Variants in ZNF345 observed in about 807,000 individuals in gnomAD.
The protein encoded by ZNF345 is zinc finger protein HZF10.
For missense variants in ZNF345, 527 were observed against 589.9 expected, an observed-to-expected ratio of 0.89 and a Z score of 1.10; for synonymous variants, 166 against 187.9, an observed-to-expected ratio of 0.88 and a Z score of 0.95.
At chr19:36,869,834 T>C (rs1033229436) in intron 2 of ZNF345, among the ~76,000 whole-genome samples, 3 of 151,206 alleles carry the variant, frequency 2.0e-5, no homozygotes, top group Non-Finnish European at 4.4e-5. Flanking sequence ...TGATCTCGGC[T>C]CACTGCAAGC....
chr19:36,856,467 G>T (rs116608998), intron 2 of ZNF345, among the ~76,000 whole-genome samples: 2,016 of 151,600 alleles, frequency 0.013, 52 homozygotes, highest in African/African-American at 0.046. Flanking sequence ...TTTTTTTTCA[G>T]TTCTTTGATT....
intron 2 of ZNF345, among the ~76,000 whole-genome samples, chr19:36,864,678 C>G (rs2072622261): frequency 6.6e-6 from 1 of 152,040 alleles, no homozygotes; most frequent in African/African-American, 2.4e-5. Context: ...AGGGCTGGGA[C>G]TAAGATGAGG....
At chr19:36,892,424 G>A (rs1354336301) in intron 3 of ZNF345, 1 of 1,608,442 alleles carries the variant, frequency 6.2e-7, no homozygotes. Flanking sequence ...TGACTGAAAT[G>A]TCTCTTCTTT....
chr19:36,864,095 G>A (rs2072610967), intron 2 of ZNF345, among the ~76,000 whole-genome samples: 3 of 151,950 alleles, frequency 2.0e-5, no homozygotes, highest in Admixed American at 6.6e-5. Context: ...ATCTAATCAA[G>A]GAACAGAAAA....
chr19:36,876,451 G>A (rs975491418), intron 2 of ZNF345, among the ~76,000 whole-genome samples: 3 of 152,060 alleles, frequency 2.0e-5, no homozygotes, highest in African/African-American at 7.2e-5. Flanking sequence ...ACAGGGCCAG[G>A]ACATCTGTAT....
At chr19:36,876,707 T>A (rs2072887467) in intron 2 of ZNF345, 78 bp from the exon 3 acceptor site, 2 of 936,148 alleles carry the variant, frequency 2.1e-6, no homozygotes, top group African/African-American at 1.7e-5. Context: ...TGTAGTTAAG[T>A]CTTTCGTATC....
chr19:36,868,316 T>G (rs889295981), intron 2 of ZNF345, among the ~76,000 whole-genome samples: 1 of 152,134 alleles, frequency 6.6e-6, no homozygotes, highest in Admixed American at 6.5e-5. Flanking sequence ...GTTCACATTT[T>G]ATATTTGCAT....
At chr19:36,887,055 C>G (rs1171148281) in intron 3 of ZNF345, among the ~76,000 whole-genome samples, 1 of 151,246 alleles carries the variant, frequency 6.6e-6, no homozygotes, top group Non-Finnish European at 1.5e-5. Flanking sequence ...CCCAGCTACT[C>G]GGGAGGCTGA....
Position 36,876,809 on chromosome 19 carries a change from G to T in ZNF345, c.-22G>T, listed in dbSNP as rs765734671. On this transcript the variant is annotated 5_prime_UTR_variant, in exon 3 of 3. Coordinates refer to ENST00000420450, the MANE Select transcript of ZNF345 (RefSeq NM_001242472.2). Reference sequence around the variant, plus strand: ...GACTATGAATCAAAGTTGAGACCAAGAAATTATTTCTGAAAAAGGATATGG... The same window carrying T: ...GACTATGAATCAAAGTTGAGACCAATAAATTATTTCTGAAAAAGGATATGG... 1 of 1,553,172 alleles carries T rather than the reference G, an allele frequency of 6.4e-7. No individual in the cohort carries two copies. Among genetic ancestry groups the T allele is most frequent in the South Asian group, 1.3e-5 (1 of 79,780 alleles).
At chr19:36,865,810 T>A (rs2146166977) in intron 2 of ZNF345, among the ~76,000 whole-genome samples, 1 of 152,330 alleles carries the variant, frequency 6.6e-6, no homozygotes, top group East Asian at 1.9e-4. Flanking sequence ...TTTTTGTAGG[T>A]GCTGTTCATC....
chr19:36,870,855 A>C (rs1264534563), intron 2 of ZNF345, among the ~76,000 whole-genome samples: 1 of 151,892 alleles, frequency 6.6e-6, no homozygotes, highest in Non-Finnish European at 1.5e-5. Context: ...AAATATGGAG[A>C]CTCATTTCTT....
rs147096561 is a variant in ZNF345 at position 36,877,769 on chromosome 19, C to T, written c.939C>T (p.Pro313=). The change falls in exon 3 of 3, where the codon CCC becomes CCT. Residue 313 remains proline, a synonymous_variant. Transcript: ENST00000420450. ...QHQRIHTGEK[P]YECKECEKAF... ...AGAGAATTCACACTGGTGAGAAACC[C>T]TATGAGTGTAAGGAGTGTGAGAAAG... is the stretch of plus-strand genomic sequence containing the variant. 5 of 1,613,294 alleles carry T rather than the reference C, an allele frequency of 3.1e-6. No individual in the cohort carries two copies. The South Asian group carries it at 3.3e-5, about 11-fold the overall frequency.
chr19:36,883,156 G>T (rs1016493607), downstream of ZNF345, among the ~76,000 whole-genome samples: 1 of 152,028 alleles, frequency 6.6e-6, no homozygotes, highest in African/African-American at 2.4e-5. Context: ...AACCCAATTT[G>T]TTTTTGTATT....
chr19:36,859,262 T>G (rs2072493265), intron 2 of ZNF345, among the ~76,000 whole-genome samples: 1 of 151,838 alleles, frequency 6.6e-6, no homozygotes, highest in African/African-American at 2.4e-5. Context: ...TTCAAGTGAT[T>G]CTCCTGCCTC....
At chr19:36,859,865 CCTCT>C (rs1158809277) in intron 2 of ZNF345, among the ~76,000 whole-genome samples, 1 of 148,228 alleles carries the variant, frequency 6.7e-6, no homozygotes, top group Admixed American at 6.8e-5. Flanking sequence ...TCTCTCTCTC[CCTCT>C]CTCTCTCTGC....
upstream of ZNF345, chr19:36,850,710 T>C (rs1329996490): frequency 6.6e-6 from 1 of 152,148 alleles, no homozygotes; most frequent in African/African-American, 2.4e-5. Context: ...CTCAAAGAGA[T>C]AGTTTTGTTG....
At chr19:36,870,639 C>T (rs2072753632) in intron 2 of ZNF345, among the ~76,000 whole-genome samples, 1 of 152,098 alleles carries the variant, frequency 6.6e-6, no homozygotes, top group Admixed American at 6.6e-5. Context: ...TATTTTTCCT[C>T]AGAATTTTAA....
intron 2 of ZNF345, among the ~76,000 whole-genome samples, chr19:36,875,542 T>A (rs1036999749): frequency 2.9e-4 from 44 of 152,128 alleles, no homozygotes; most frequent in African/African-American, 1.1e-3. Context: ...ACTGAGGAAC[T>A]TTTAAGAGCG....
intron 3 of ZNF345, among the ~76,000 whole-genome samples, chr19:36,887,859 T>C (rs537049524): frequency 5.9e-5 from 9 of 152,316 alleles, no homozygotes; most frequent in African/African-American, 2.2e-4. Context: ...TGATTTTGCC[T>C]GAGGTACAAT....
Sources: gnomAD v4.1 joint callset for allele counts (sites outside exome capture counted in the v4.1 genomes callset) on GRCh38, gnomAD v4.1.1 for gene constraint, MANE v1.5 for transcripts, NCBI Gene and HGNC (gene_info 2026-07-23, HGNC 2026-07-21) for gene names.